The following MPND variants were observed in gnomAD, a reference collection of about 807,000 sequenced individuals.
The protein encoded by MPND is MPN domain-containing protein.
Under a neutral mutation model 59.2 loss-of-function variants are expected in MPND, and 56 were observed. That is an observed-to-expected ratio of 0.95 (90% CI 0.76 to 1.18). MPND has a LOEUF of 1.18. MPND is among the 50% of genes most tolerant of loss of function. The probability of loss-of-function intolerance (pLI) is 0.00; values close to 1 mark genes in which losing one functional copy is unlikely to be tolerated. For synonymous variants in MPND, 323 were observed against 291.9 expected (o/e 1.11, Z -1.09); for missense variants, 671 against 676.0 (o/e 0.99, Z 0.08).
At chr19:4,353,930 GC>G (rs1972375065) in intron 4 of MPND, 114 bp from the exon 5 acceptor site, 1 of 861,930 alleles carries the variant, frequency 1.2e-6, no homozygotes, top group African/African-American at 1.7e-5. Flanking sequence ...CCATGCTCAA[GC>G]GATCCTCCTG....
intron 3 of MPND, among the ~76,000 whole-genome samples, chr19:4,351,148 G>C (rs145532743): frequency 6.6e-6 from 1 of 152,316 alleles, no homozygotes; most frequent in Non-Finnish European, 1.5e-5. Flanking sequence ...CCGTCACCCA[G>C]GCTGTAGTAC....
At chr19:4,359,391 T>A (rs1972526277) in intron 12 of MPND, 136 bp downstream of exon 12, 1 of 641,634 alleles carries the variant, frequency 1.6e-6, no homozygotes, top group Non-Finnish European at 2.7e-6. Context: ...GTGACCCTGG[T>A]CACCCCGTGG....
chr19:4,351,025 C>T (rs79110543), intron 3 of MPND, among the ~76,000 whole-genome samples: 4,637 of 152,078 alleles, frequency 0.03, 220 homozygotes, highest in African/African-American at 0.11. Context: ...GAGAAGGTGA[C>T]GAGGACAGAA....
chr19:4,354,321 C>T lies in MPND; in HGVS notation c.750-3C>T, dbSNP rs768516661. 5.8e-6 allele frequency: 9 copies of T among 1,555,696 alleles called. No individual in the cohort carries two copies. The highest frequency in any genetic ancestry group is 3.5e-5 in the South Asian group (3 of 84,556). Reference sequence around the variant, plus strand: ...GACTGTGCGACCCTCCTGGCCCCTACAGGAACCCCCACACCCTGGTGGAAG... The same window carrying T: ...GACTGTGCGACCCTCCTGGCCCCTATAGGAACCCCCACACCCTGGTGGAAG... On this transcript the variant is annotated splice_polypyrimidine_tract_variant and splice_region_variant and intron_variant, in intron 5 of 12. Coordinates refer to ENST00000599840, the MANE Select transcript of MPND (RefSeq NM_001300862.2).
rs916337706 is a variant in MPND at position 4,359,815 on chromosome 19, G to A, written c.1420-101G>A. 7 of 918,898 alleles carry A rather than the reference G, an allele frequency of 7.6e-6. No homozygotes were observed. In the African/African-American group the frequency reaches 1.0e-4, roughly 13 times the overall value. 56.9% of individuals were successfully genotyped at this position (918,898 alleles called of 1,614,324 possible). A position where few individuals can be genotyped will look rare whatever the true frequency, so the allele number is the denominator to read the frequency against. The stretch of plus-strand genomic sequence containing the variant: ...ACCCCAGCCCTGTGCCTCGGTCTCA[G>A]GGGGGCTCAGTCAGGATGCTGGACT... On this transcript the variant is annotated intron_variant, in intron 12 of 12. Coordinates refer to ENST00000599840, the MANE Select transcript of MPND (RefSeq NM_001300862.2).
At position 4,359,152 on chromosome 19, in the gene MPND, C is replaced by G; in HGVS notation, c.1327-11C>G. The G allele has an allele frequency of 6.2e-7, 1 of 1,607,322 alleles. No individual in the cohort carries two copies. The highest frequency in any genetic ancestry group is 8.5e-7 in the Non-Finnish European group (1 of 1,174,292). On this transcript the variant is annotated splice_polypyrimidine_tract_variant and intron_variant, in intron 11 of 12. Coordinates refer to ENST00000599840, the MANE Select transcript of MPND (RefSeq NM_001300862.2). The stretch of plus-strand genomic sequence containing the variant: ...AGGGAGCCTGGGAGTCCATGCTCCT[C>G]TGTCCTGTAGATGCTGCTGGTGGAG...
Position 4,360,066 on chromosome 19 carries a change from A to C in MPND, c.*64A>C. The C allele has an allele frequency of 1.4e-6, 2 of 1,430,768 alleles. No homozygotes were observed. Among genetic ancestry groups the C allele is most frequent in the Non-Finnish European group, 1.9e-6 (2 of 1,044,724 alleles). 88.6% of individuals were successfully genotyped at this position (1,430,768 alleles called of 1,614,324 possible). A position where few individuals can be genotyped will look rare whatever the true frequency, so the allele number is the denominator to read the frequency against. ...TCCGGATGGGCTCAGGTAATAAAGAAACGGAAGCAGCAGCCAGCCACGCTG... is the reference window on the plus strand; with the variant it reads ...TCCGGATGGGCTCAGGTAATAAAGACACGGAAGCAGCAGCCAGCCACGCTG... On this transcript the variant is annotated 3_prime_UTR_variant, in exon 13 of 13. Transcript: ENST00000599840.
chr19:4,343,949 C>G lies in MPND; in HGVS notation c.249C>G (p.Asp83Glu). 1 of 1,383,352 alleles carries G rather than the reference C, an allele frequency of 7.2e-7. No homozygotes were observed. Among genetic ancestry groups the G allele is most frequent in the Admixed American group, 2.9e-5 (1 of 34,366 alleles). The allele number at this position is 1,383,352 out of a possible 1,614,324, so 85.7% of individuals were successfully genotyped here. A position where few individuals can be genotyped will look rare whatever the true frequency, so the allele number is the denominator to read the frequency against. Residue 83 changes from aspartate to glutamate, a missense_variant, in exon 2 of 13, where the codon GAC (aspartate) becomes GAG (glutamate). Physicochemically the swap from Asp to Glu is conservative, Grantham distance 45. Transcript: ENST00000599840. ...TCACACTGCGGGTGCTCCTCAAAGA[C>G]GCGCTGCTGGAGCCTGGCGCCGGGG... Reference protein sequence around the residue: ...RAVTLRVLLKDALLEPGAGVL... With the variant: ...RAVTLRVLLKEALLEPGAGVL...
At chr19:4,350,586 C>T (rs939392561) in intron 3 of MPND, among the ~76,000 whole-genome samples, 1 of 152,124 alleles carries the variant, frequency 6.6e-6, no homozygotes, top group African/African-American at 2.4e-5. Context: ...GGAAGTGTAT[C>T]CGCCAGATTT....
intron 2 of MPND, among the ~76,000 whole-genome samples, chr19:4,345,203 C>A (rs537155700): frequency 6.6e-6 from 1 of 151,736 alleles, no homozygotes; most frequent in East Asian, 1.9e-4. Context: ...CCCGCCACCA[C>A]GCCTGGCTAA....
intron 3 of MPND, among the ~76,000 whole-genome samples, chr19:4,350,833 G>A (rs935553187): frequency 6.6e-6 from 1 of 152,076 alleles, no homozygotes; most frequent in Non-Finnish European, 1.5e-5. Flanking sequence ...GACAGGATTT[G>A]GAGCCCTGAG....
At chr19:4,349,027 CA>C (rs1972253213) in intron 3 of MPND, 1 of 216,720 alleles carries the variant, frequency 4.6e-6, no homozygotes, top group Admixed American at 4.1e-5. Flanking sequence ...CTTGCATCAG[CA>C]GAGGGGTTGA....
chr19:4,358,240 T>C (rs746623209), intron 11 of MPND, 68 bp downstream of exon 11: 17 of 1,387,510 alleles, frequency 1.2e-5, no homozygotes, highest in Non-Finnish European at 1.7e-5. Flanking sequence ...TGCGTTGGTC[T>C]GCTTCCCACC....
In MPND at chr19:4,345,793, C is replaced by T; in HGVS notation, c.343C>T (p.Gln115Ter). 6.2e-7 allele frequency: 1 copy of T among 1,613,968 alleles called. No individual in the cohort carries two copies. The highest frequency in any genetic ancestry group is 8.5e-7 in the Non-Finnish European group (1 of 1,180,020). The change falls in exon 3 of 13, where the codon CAG (glutamine) becomes TAG (stop). Residue 115 changes from glutamine (Q) to a stop codon, truncating the protein, a stop_gained. Coordinates refer to ENST00000599840, the MANE Select transcript of MPND (RefSeq NM_001300862.2). LOFTEE classifies it high-confidence loss of function. ...GCAGCCAGACGGAAGGATCATGTGG[C>T]AGGAGACCGGGCAGACCTTCAACTC... ...DLQPDGRIMW[Q>*]ETGQTFNSPS...
chr19:4,345,961 C>T lies in MPND; in HGVS notation c.511C>T (p.Pro171Ser), dbSNP rs751726208. The T allele has an allele frequency of 6.8e-6, 11 of 1,612,548 alleles. No individual in the cohort carries two copies. The African/African-American group carries it at 1.3e-4, about 20-fold the overall frequency. ...TWLRLHQLHT[P>S]ATAADESPAS... Reference sequence around the variant, plus strand: ...GCTCCGGCTGCACCAGCTGCACACGCCTGCCACGGCTGCTGATGAGGTACG... The same window carrying T: ...GCTCCGGCTGCACCAGCTGCACACGTCTGCCACGGCTGCTGATGAGGTACG... Residue 171 changes from proline to serine, a missense_variant, in exon 3 of 13, where the codon CCT becomes TCT. Pro to Ser is a moderately conservative substitution (Grantham distance 74). Transcript: ENST00000599840.
intron 2 of MPND, 102 bp from the exon 3 acceptor site, chr19:4,345,643 G>A: frequency 1.8e-6 from 2 of 1,115,838 alleles, no homozygotes; most frequent in East Asian, 2.6e-5. Context: ...TGGAAGCCCT[G>A]TAAAGACATG....
intron 12 of MPND, among the ~76,000 whole-genome samples, chr19:4,359,638 G>A (rs147339989): frequency 2.0e-5 from 3 of 152,304 alleles, no homozygotes; most frequent in Admixed American, 6.5e-5. Context: ...GTCCCCATGG[G>A]TGTCTGGAAC....
chr19:4,345,998 C>T lies in MPND; in HGVS notation c.531+17C>T, dbSNP rs567052308. ...GCTGATGAGGTACGTGCTGCAGCCTCCTCCAGGAAGCCGCCCAGGTCACTG... is the reference window on the plus strand; with the variant it reads ...GCTGATGAGGTACGTGCTGCAGCCTTCTCCAGGAAGCCGCCCAGGTCACTG... On this transcript the variant is annotated intron_variant, in intron 3 of 12. Coordinates refer to ENST00000599840, the MANE Select transcript of MPND (RefSeq NM_001300862.2). 4.1e-4 allele frequency: 653 copies of T among 1,601,982 alleles called. No homozygotes were observed. Among genetic ancestry groups the T allele is most frequent in the Middle Eastern group, 2.3e-3 (13 of 5,776 alleles).
At chr19:4,357,185 G>A in intron 8 of MPND, 68 bp from the exon 9 acceptor site, 6 of 1,489,666 alleles carry the variant, frequency 4.0e-6, no homozygotes, top group Non-Finnish European at 2.7e-6. Context: ...TTCAGGGCTG[G>A]CCAGCCACAT....
Sources: gnomAD v4.1 joint callset for allele counts (sites outside exome capture counted in the v4.1 genomes callset) on GRCh38, gnomAD v4.1.1 for gene constraint, MANE v1.5 for transcripts, NCBI Gene and HGNC (gene_info 2026-07-23, HGNC 2026-07-21) for gene names.